COL13A1: variants seen among roughly 807,000 people sequenced by gnomAD.
COL13A1 encodes the protein collagen type XIII alpha 1 chain, also known as collagen alpha-1(XIII) chain.
In COL13A1, 89 loss-of-function variants were observed where a neutral mutation model predicts 130.9. The ratio of observed to expected loss-of-function variants is 0.68; its 90% CI spans 0.57 to 0.81. COL13A1 has a LOEUF of 0.81. COL13A1 is among the 30% of genes least tolerant of loss of function. The pLI, the probability that COL13A1 is intolerant of heterozygous loss-of-function variation, is 0.00. For missense variants in COL13A1, 879 were observed against 934.6 expected (o/e 0.94, Z 0.78); for synonymous variants, 402 against 341.6 (o/e 1.18, Z -1.95).
At chr10:69,933,391 T>C (rs2066415563) in intron 31 of COL13A1, among the ~76,000 whole-genome samples, 1 of 152,068 alleles carries the variant, frequency 6.6e-6, no homozygotes, top group South Asian at 2.1e-4. Context: ...TGAGTGAGAA[T>C]AGTCAGGATG....
intron 23 of COL13A1, among the ~76,000 whole-genome samples, chr10:69,923,285 G>C (rs185195619): frequency 1.3e-4 from 20 of 152,310 alleles, no homozygotes; most frequent in Admixed American, 7.2e-4. Context: ...CAGCAGTGGA[G>C]GCAGCTGCAA....
intron 25 of COL13A1, 145 bp downstream of exon 25, chr10:69,925,152 C>A: frequency 2.5e-6 from 2 of 793,602 alleles, no homozygotes; most frequent in Non-Finnish European, 1.8e-6. Flanking sequence ...TGCCTTTTGC[C>A]AAAGATGATT....
intron 2 of COL13A1, among the ~76,000 whole-genome samples, chr10:69,839,672 G>A (rs1233430562): frequency 6.6e-6 from 1 of 152,230 alleles, no homozygotes; most frequent in Non-Finnish European, 1.5e-5. Context: ...CAGAGGTTGG[G>A]GAATGAGCAT....
intron 2 of COL13A1, among the ~76,000 whole-genome samples, chr10:69,860,148 GGAAGCAGTAGACGCAGT>G (rs765539500): frequency 3.5e-4 from 53 of 152,354 alleles, no homozygotes; most frequent in Non-Finnish European, 6.6e-4. Context: ...TCAGTCTGCA[GGAAGCAGTAGACGCAGT>G]GACCAGCAGA....
chr10:69,828,852 C>T (rs1463869912), intron 2 of COL13A1, among the ~76,000 whole-genome samples: 2 of 152,224 alleles, frequency 1.3e-5, no homozygotes, highest in Non-Finnish European at 2.9e-5. Context: ...ATGTATACAC[C>T]TGCAGAGGTT....
At chr10:69,820,131 T>G (rs1286582605) in intron 1 of COL13A1, among the ~76,000 whole-genome samples, 1 of 152,222 alleles carries the variant, frequency 6.6e-6, no homozygotes, top group Non-Finnish European at 1.5e-5. Flanking sequence ...TCCATCATTC[T>G]CTGTCCCCTT....
At chr10:69,813,077 T>A (rs945431288) in intron 1 of COL13A1, among the ~76,000 whole-genome samples, 2 of 152,256 alleles carry the variant, frequency 1.3e-5, no homozygotes, top group African/African-American at 2.4e-5. Context: ...CTGCTTTGCA[T>A]AACAAGGTTC....
chr10:69,897,681 TGGAA>T, intron 13 of COL13A1: 1 of 907,222 alleles, frequency 1.1e-6, no homozygotes, highest in Non-Finnish European at 1.7e-6. Context: ...AGCTGTGACC[TGGAA>T]AGGCCACACT....
chr10:69,860,693 T>TC, intron 2 of COL13A1: 1 of 265,882 alleles, frequency 3.8e-6, no homozygotes, highest in South Asian at 3.4e-5. Context: ...TGCAGCCAGG[T>TC]CCCCCATGCC....
At chr10:69,838,712 C>T (rs1465665927) in intron 2 of COL13A1, among the ~76,000 whole-genome samples, 10 of 152,242 alleles carry the variant, frequency 6.6e-5, no homozygotes. Context: ...CTGCTACCTC[C>T]ACTAAGCCCC....
intron 38 of COL13A1, among the ~76,000 whole-genome samples, chr10:69,948,235 G>A (rs1392264291): frequency 3.3e-5 from 5 of 152,166 alleles, no homozygotes; most frequent in Admixed American, 6.5e-5. Context: ...AAGAGCACAC[G>A]GTCTCCAGAA....
intron 1 of COL13A1, among the ~76,000 whole-genome samples, chr10:69,807,662 C>A (rs1178309111): frequency 6.6e-6 from 1 of 152,150 alleles, no homozygotes; most frequent in African/African-American, 2.4e-5. Flanking sequence ...GGGTGGGTAA[C>A]CTGTGCACAG....
intron 1 of COL13A1, among the ~76,000 whole-genome samples, chr10:69,815,469 T>G (rs1589193749): frequency 1.3e-5 from 2 of 152,150 alleles, no homozygotes; most frequent in Non-Finnish European, 2.9e-5. Flanking sequence ...ACAGGAAGGC[T>G]TCTCTGCCGA....
chr10:69,802,655 G>C lies in COL13A1; in HGVS notation c.232G>C (p.Glu78Gln), dbSNP rs755589502. Residue 78 changes from glutamate (E) to glutamine (Q), a missense_variant, in exon 1 of 41, where the codon GAG becomes CAG. Transcript: ENST00000645393. ...LQARVLRLEA[E>Q]RGEQQMETAI... ...GGCCCGGGTGCTGCGCCTGGAAGCGGAGCGCGGGGAGCAGCAAATGGAGAC... is the reference window on the plus strand; with the variant it reads ...GGCCCGGGTGCTGCGCCTGGAAGCGCAGCGCGGGGAGCAGCAAATGGAGAC... 1 of 1,613,490 alleles carries C rather than the reference G, an allele frequency of 6.2e-7. No homozygotes were observed. The highest frequency in any genetic ancestry group is 8.5e-7 in the Non-Finnish European group (1 of 1,179,592).
chr10:69,829,467 C>A (rs901904892), intron 2 of COL13A1, among the ~76,000 whole-genome samples: 2 of 152,240 alleles, frequency 1.3e-5, no homozygotes, highest in Non-Finnish European at 2.9e-5. Flanking sequence ...GGTTGTCTGA[C>A]CACATTTGGA....
chr10:69,942,034 C>T (rs2067711110), intron 35 of COL13A1, among the ~76,000 whole-genome samples: 1 of 152,196 alleles, frequency 6.6e-6, no homozygotes, highest in African/African-American at 2.4e-5. Flanking sequence ...GAGACCTTGC[C>T]AGGGTTCATG....
At chr10:69,868,028 CA>C (rs1431272857) in intron 3 of COL13A1, among the ~76,000 whole-genome samples, 5 of 151,924 alleles carry the variant, frequency 3.3e-5, no homozygotes, top group African/African-American at 9.7e-5. Flanking sequence ...TGGCTGCCCC[CA>C]GGGCAAAGCA....
Position 69,944,196 on chromosome 10 carries a change from AG to A in COL13A1, c.1968+22del. 6.2e-7 allele frequency: 1 copy of A among 1,612,530 alleles called. No individual in the cohort carries two copies. Among genetic ancestry groups the A allele is most frequent in the Non-Finnish European group, 8.5e-7 (1 of 1,179,070 alleles). On this transcript the variant is annotated intron_variant, in intron 36 of 40. Transcript: ENST00000645393. The stretch of plus-strand genomic sequence containing the variant: ...GCGAGAGGGTGAGTGTCACTGAGCC[AG>A]GGGCCTGGGCGGCCAGGAGGGAGAG...
intron 1 of COL13A1, among the ~76,000 whole-genome samples, chr10:69,810,523 C>A (rs996776617): frequency 2.0e-5 from 3 of 152,146 alleles, no homozygotes; most frequent in Non-Finnish European, 4.4e-5. Context: ...TCTCCGTGTG[C>A]ACTGGGAGGT....
Sources: allele counts gnomAD v4.1 joint callset (sites outside exome capture counted in the v4.1 genomes callset), GRCh38; gene constraint gnomAD v4.1.1; transcripts MANE v1.5; gene names NCBI Gene and HGNC (gene_info 2026-07-23, HGNC 2026-07-21).